RPTOR: variants seen among roughly 807,000 people sequenced by gnomAD.
RPTOR encodes regulatory associated protein of MTOR complex 1, also known as regulatory-associated protein of mTOR.
A neutral mutation model predicts 169.9 loss-of-function variants in RPTOR; 21 were observed. The ratio of observed to expected loss-of-function variants is 0.12; its 90% CI spans 0.09 to 0.18. The LOEUF (loss-of-function observed/expected upper bound fraction) is 0.18. RPTOR is among the 10% of genes least tolerant of loss of function. RPTOR has a pLI of 1.00. For missense variants in RPTOR, 1,133 were observed against 1,855.9 expected (o/e 0.61, Z 7.16); for synonymous variants, 732 against 753.2 (o/e 0.97, Z 0.46).
At chr17:80,778,559 G>A (rs1048647307) in intron 6 of RPTOR, among the ~76,000 whole-genome samples, 2 of 152,130 alleles carry the variant, frequency 1.3e-5, no homozygotes, top group African/African-American at 4.8e-5. Context: ...CGTTTCAAGG[G>A]GCCCAGGCGG....
chr17:80,899,673 G>T (rs4969298), intron 20 of RPTOR, among the ~76,000 whole-genome samples: 105,949 of 152,084 alleles, frequency 0.7, 39,517 homozygotes, highest in Non-Finnish European at 0.83. Context: ...AACACTGCCA[G>T]TGTGGTGCAA....
chr17:80,684,469 A>G (rs1261637702), intron 3 of RPTOR, among the ~76,000 whole-genome samples: 2 of 149,804 alleles, frequency 1.3e-5, no homozygotes, highest in Non-Finnish European at 3.0e-5. Context: ...CTGGAGGCAT[A>G]GTCTCGCTCT....
At chr17:80,776,206 TTAAAAGAAAAAAA>T (rs2066890279) in intron 6 of RPTOR, among the ~76,000 whole-genome samples, 1 of 152,050 alleles carries the variant, frequency 6.6e-6, no homozygotes, top group Admixed American at 6.6e-5. Context: ...ATCCTGTCTC[TTAAAAGAAAAAAA>T]TAATAATATT....
rs567861429 is a variant in RPTOR, at chr17:80,959,500, G to T, written c.3478-578G>T. On this transcript the variant is annotated intron_variant, in intron 29 of 33. Transcript: ENST00000306801. The surrounding 1 kb of genome is among the most constrained non-coding windows in gnomAD (Gnocchi z 6.7). ...CACAACCCAGCACCGCCCATCGTGC[G>T]TGGAAAGCGCTCTCCCTCTCGTGGC... Among the ~76,000 whole-genome samples, 16 of 152,284 alleles carry T rather than the reference G, an allele frequency of 1.1e-4. No individual in the cohort carries two copies. Among genetic ancestry groups the T allele is most frequent in the Middle Eastern group, 3.4e-3 (1 of 294 alleles).
chr17:80,567,803 A>AAAT lies in RPTOR; in HGVS notation c.162+22014_162+22015insTAA, dbSNP rs377197917. Among the ~76,000 whole-genome samples the AAAT allele has an allele frequency of 1.5e-4, 22 of 148,556 alleles. No individual in the cohort carries two copies. In the South Asian group the frequency reaches 2.6e-3, roughly 17 times the overall value. On this transcript the variant is annotated intron_variant, in intron 1 of 33. Transcript: ENST00000306801. ...TGAGACTCTGTATCAAAAAATAAATAAAATAAATAAATAAATAAATAAATA... is the reference window on the plus strand; with the variant it reads ...TGAGACTCTGTATCAAAAAATAAATAAATAAATAAATAAATAAATAAATAAATA...
At chr17:80,812,827 A>AC (rs2067286984) in intron 7 of RPTOR, among the ~76,000 whole-genome samples, 1 of 152,106 alleles carries the variant, frequency 6.6e-6, no homozygotes, top group South Asian at 2.1e-4. Flanking sequence ...AAAACCCTAA[A>AC]CCTGTGGGAA....
In RPTOR at chr17:80,822,152, T is replaced by C. The variant is rs1373653469; in HGVS notation, c.891-49T>C. 5.1e-6 allele frequency: 8 copies of C among 1,563,834 alleles called. No individual in the cohort carries two copies. The South Asian group carries it at 8.9e-5, about 17-fold the overall frequency. ...TTCTTGCAACCTCTCTTCCATTCCC[T>C]GCTCTCAGAGCTGTGGCATCACTCA... On this transcript the variant is annotated intron_variant, in intron 7 of 33. Transcript: ENST00000306801.
At chr17:80,761,535 C>T (rs1335292736) in intron 6 of RPTOR, among the ~76,000 whole-genome samples, 1 of 152,200 alleles carries the variant, frequency 6.6e-6, no homozygotes, top group Admixed American at 6.5e-5. Context: ...GTGGCTCTGT[C>T]TGGCCAGGCT....
rs1310325848 is a variant in RPTOR at position 80,922,824 on chromosome 17, C to T, written c.2621C>T (p.Ala874Val). ...PTNKGVHIHQ[A>V]GGSPPASSTS... Reference sequence around the variant, plus strand: ...AACAAGGGCGTGCACATCCACCAGGCGGGGTAAGTGCCGCCCGCTCAGCCT... The same window carrying T: ...AACAAGGGCGTGCACATCCACCAGGTGGGGTAAGTGCCGCCCGCTCAGCCT... The change falls in exon 22 of 34, where the codon GCG (alanine) becomes GTG (valine). Residue 874 changes from alanine to valine, a missense_variant. Physicochemically the swap from Ala to Val is moderately conservative, Grantham distance 64 (BLOSUM62 0). Around this residue, in one of 9 missense-constraint regions of RPTOR, gnomAD observed 123 missense variants for 129.0 expected, o/e 0.95. Coordinates refer to ENST00000306801, the MANE Select transcript of RPTOR (RefSeq NM_020761.3). 22 of 1,564,206 alleles carry T rather than the reference C, an allele frequency of 1.4e-5. No individual in the cohort carries two copies. Among genetic ancestry groups the T allele is most frequent in the African/African-American group, 4.1e-5 (3 of 73,688 alleles).
chr17:80,606,609 A>G (rs886592205), intron 1 of RPTOR, among the ~76,000 whole-genome samples: 1 of 151,778 alleles, frequency 6.6e-6, no homozygotes, highest in Non-Finnish European at 1.5e-5. Flanking sequence ...GAGTGGTCCT[A>G]TTGTTTCTTG....
chr17:80,701,012 G>A (rs1038544323), intron 3 of RPTOR, among the ~76,000 whole-genome samples: 6 of 152,094 alleles, frequency 3.9e-5, no homozygotes, highest in Admixed American at 3.3e-4. Flanking sequence ...AGGTGTCAAG[G>A]GTGATTCTTG....
rs527995529 is a variant in RPTOR at position 80,599,249 on chromosome 17, T to C, written c.163-26442T>C. ...CCCGCAGCCATGCGGTGAGGCCCTG[T>C]GAAGGTGAGCCACCATGCAGTGATT... On this transcript the variant is annotated intron_variant, in intron 1 of 33. Transcript: ENST00000306801. Among the ~76,000 whole-genome samples, 26 of 152,290 alleles carry C rather than the reference T, an allele frequency of 1.7e-4. 1 individual carries two copies. The highest frequency in any genetic ancestry group is 6.3e-4 in the African/African-American group (26 of 41,550).
chr17:80,690,223 C>T (rs2065979246), intron 3 of RPTOR, among the ~76,000 whole-genome samples: 1 of 152,076 alleles, frequency 6.6e-6, no homozygotes, highest in Non-Finnish European at 1.5e-5. Flanking sequence ...CCCCTTCCCA[C>T]TCCCCTGGCT....
intron 6 of RPTOR, among the ~76,000 whole-genome samples, chr17:80,771,837 G>A (rs187201463): frequency 1.9e-3 from 296 of 152,256 alleles, no homozygotes; most frequent in Middle Eastern, 6.8e-3. Flanking sequence ...TGGATCTGAC[G>A]TGCCCGTCTT....
chr17:80,951,150 A>G (rs2333883), intron 28 of RPTOR, among the ~76,000 whole-genome samples: 1 of 148,874 alleles, frequency 6.7e-6, no homozygotes, highest in South Asian at 2.2e-4. Flanking sequence ...GGCTGGCCCC[A>G]GGGTCCCTGA....
At position 80,880,501 on chromosome 17, in the gene RPTOR, G is replaced by A. The variant is rs1188275270; in HGVS notation, c.1584+12G>A. 2 of 1,612,874 alleles carry A rather than the reference G, an allele frequency of 1.2e-6. No homozygotes were observed. The highest frequency in any genetic ancestry group is 1.7e-6 in the Non-Finnish European group (2 of 1,179,582). ...ACCCCTACATGCCAGTAAGGACGGG[G>A]CAGCACGCTCTCCACGGGCTTGGGA... On this transcript the variant is annotated intron_variant, in intron 14 of 33. Transcript: ENST00000306801.
At chr17:80,763,136 C>T (rs1450270826) in intron 6 of RPTOR, among the ~76,000 whole-genome samples, 3 of 152,020 alleles carry the variant, frequency 2.0e-5, no homozygotes, top group Admixed American at 2.0e-4. Context: ...GTCTCAGTTC[C>T]TCGGGAGGCT....
chr17:80,783,333 A>G (rs753103438), intron 6 of RPTOR, among the ~76,000 whole-genome samples: 13 of 152,232 alleles, frequency 8.5e-5, no homozygotes, highest in Non-Finnish European at 1.3e-4. Flanking sequence ...ATTCTGTGGA[A>G]CAGTTGAGAG....
chr17:80,895,589 G>A (rs2068388836), intron 20 of RPTOR, among the ~76,000 whole-genome samples: 1 of 152,248 alleles, frequency 6.6e-6, no homozygotes, highest in South Asian at 2.1e-4. Context: ...CGTGTGTGGT[G>A]CGTGTTCTTC....
Sources: gnomAD v4.1 joint callset for allele counts (sites outside exome capture counted in the v4.1 genomes callset) on GRCh38, gnomAD v4.1.1 for gene constraint, gnomAD v4.1.1 regional missense constraint, Gnocchi (gnomAD v3.1) non-coding constraint, MANE v1.5 for transcripts, NCBI Gene and HGNC (gene_info 2026-07-23, HGNC 2026-07-21) for gene names.